FARS2: variants seen among roughly 807,000 people sequenced by gnomAD.
FARS2 encodes the protein phenylalanine--tRNA ligase, mitochondrial.
A neutral mutation model predicts 46.4 loss-of-function variants in FARS2; 40 were observed. The observed-to-expected ratio is 0.86, with a 90% CI of 0.67 to 1.12. FARS2 has a LOEUF of 1.12. Among genes scored for constraint, FARS2 ranks in the 50% most tolerant of loss-of-function variants. The pLI is 0.00. For missense variants in FARS2, 513 were observed against 567.9 expected, an observed-to-expected ratio of 0.90 and a Z score of 0.98; for synonymous variants, 234 against 214.9, an observed-to-expected ratio of 1.09 and a Z score of -0.78.
At position 5,369,040 on chromosome 6, in the gene FARS2, C is replaced by T. The variant is rs1758865384; in HGVS notation, c.470C>T (p.Ser157Phe). The change falls in exon 2 of 7, where the codon TCT becomes TTT. Residue 157 changes from serine to phenylalanine, a missense_variant. By Grantham distance (155) the Ser-to-Phe change is radical. Coordinates refer to ENST00000274680, the MANE Select transcript of FARS2 (RefSeq NM_006567.5). ...ACTCACATGCTGAGAGCGCACACGT[C>T]TGCACACCAGTGGGACTTGCTGCAC... ...NRTHMLRAHT[S>F]AHQWDLLHAG... 1 of 1,614,066 alleles carries T rather than the reference C, an allele frequency of 6.2e-7. No homozygotes were observed. Among genetic ancestry groups the T allele is most frequent in the Admixed American group, 1.7e-5 (1 of 60,008 alleles).
chr6:5,323,041 T>G (rs1034324999), intron 1 of FARS2, among the ~76,000 whole-genome samples: 35 of 152,208 alleles, frequency 2.3e-4, no homozygotes, highest in African/African-American at 8.4e-4. Context: ...CATTATTACT[T>G]TTATCAATTT....
intron 6 of FARS2, among the ~76,000 whole-genome samples, chr6:5,691,842 C>T (rs1334514933): frequency 1.3e-5 from 2 of 152,186 alleles, no homozygotes; most frequent in Non-Finnish European, 2.9e-5. Context: ...CCACCCAGTT[C>T]GAGCTTCCTG....
intron 1 of FARS2, among the ~76,000 whole-genome samples, chr6:5,262,739 A>G (rs1765276346): frequency 6.6e-6 from 1 of 152,232 alleles, no homozygotes; most frequent in South Asian, 2.1e-4. Context: ...TTATTAAGAT[A>G]TCTTTAAGTC....
intron 1 of FARS2, among the ~76,000 whole-genome samples, chr6:5,364,217 G>T (rs1016366440): frequency 6.6e-5 from 10 of 152,200 alleles, no homozygotes; most frequent in African/African-American, 1.2e-4. Context: ...TGATGAACAT[G>T]ATCTAGTATA....
chr6:5,631,269 T>C (rs983763820), intron 6 of FARS2, among the ~76,000 whole-genome samples: 5 of 152,166 alleles, frequency 3.3e-5, no homozygotes, highest in African/African-American at 1.2e-4. Flanking sequence ...GGATTCCTAC[T>C]GCAGGAGAAT....
chr6:5,671,927 A>C (rs898099886), intron 6 of FARS2, among the ~76,000 whole-genome samples: 2 of 152,210 alleles, frequency 1.3e-5, no homozygotes, highest in Non-Finnish European at 2.9e-5. Flanking sequence ...CCAGGAGAGG[A>C]AACACAATTC....
Position 5,747,773 on chromosome 6 carries a change from C to T in FARS2, c.1218-23518C>T, listed in dbSNP as rs148587973. 2.2e-3 allele frequency among the ~76,000 whole-genome samples: 328 copies of T among 152,312 alleles called. 3 individuals carry two copies. The highest frequency in any genetic ancestry group is 7.0e-3 in the African/African-American group (289 of 41,570). On this transcript the variant is annotated intron_variant, in intron 6 of 6. Coordinates refer to ENST00000274680, the MANE Select transcript of FARS2 (RefSeq NM_006567.5). Reference sequence around the variant, plus strand: ...GCTGGAAGGACAGAGGTGGCAGTCACCTGACAGCCTTCACTTCATTGCTAA... The same window carrying T: ...GCTGGAAGGACAGAGGTGGCAGTCATCTGACAGCCTTCACTTCATTGCTAA...
chr6:5,377,448 C>T (rs1368311345), intron 2 of FARS2, among the ~76,000 whole-genome samples: 2 of 152,220 alleles, frequency 1.3e-5, no homozygotes, highest in South Asian at 2.1e-4. Context: ...CTGTCGTGTA[C>T]ACACATGTGC....
intron 3 of FARS2, 76 bp downstream of exon 3, chr6:5,404,777 T>G (rs906701150): frequency 1.2e-4 from 129 of 1,033,152 alleles, no homozygotes; most frequent in Admixed American, 3.3e-4. Context: ...TTGGGTTTTT[T>G]TTTTTTTTTT....
At chr6:5,723,419 A>T (rs186899786) in intron 6 of FARS2, among the ~76,000 whole-genome samples, 94 of 152,322 alleles carry the variant, frequency 6.2e-4, no homozygotes, top group African/African-American at 2.2e-3. Context: ...ACCCTTGGAC[A>T]CGCTGCAGAC....
In FARS2 at chr6:5,404,708, G is replaced by A. The variant is rs1276704377; in HGVS notation, c.772+7G>A. On this transcript the variant is annotated splice_region_variant and intron_variant, in intron 3 of 6. Transcript: ENST00000274680. ...GCACATCTTTTTGGAGATGGTAAGT[G>A]CTCAAACACAGGTTGACGATCTCTT... The A allele has an allele frequency of 1.3e-6, 2 of 1,565,678 alleles. No individual in the cohort carries two copies. Among genetic ancestry groups the A allele is most frequent in the Admixed American group, 1.8e-5 (1 of 55,974 alleles).
At chr6:5,508,061 A>G (rs536478208) in intron 4 of FARS2, among the ~76,000 whole-genome samples, 3 of 152,376 alleles carry the variant, frequency 2.0e-5, no homozygotes, top group African/African-American at 7.2e-5. Flanking sequence ...TATGTTTCAC[A>G]ATAAGTTATT....
At chr6:5,588,659 A>C (rs1773752357) in intron 5 of FARS2, among the ~76,000 whole-genome samples, 1 of 152,098 alleles carries the variant, frequency 6.6e-6, no homozygotes, top group Non-Finnish European at 1.5e-5. Flanking sequence ...GGTTCTGCCT[A>C]CTGGGCCTCT....
At chr6:5,366,040 G>A (rs887140037) in intron 1 of FARS2, among the ~76,000 whole-genome samples, 9 of 152,072 alleles carry the variant, frequency 5.9e-5, no homozygotes, top group Non-Finnish European at 1.0e-4. Flanking sequence ...GGCAGGAAGG[G>A]CAGGCACACT....
chr6:5,293,085 T>C (rs1195024825), intron 1 of FARS2, among the ~76,000 whole-genome samples: 2 of 152,218 alleles, frequency 1.3e-5, no homozygotes, highest in Non-Finnish European at 2.9e-5. Flanking sequence ...GGTGACACTG[T>C]TGGAAATAGC....
intron 5 of FARS2, among the ~76,000 whole-genome samples, chr6:5,601,561 G>C (rs568211221): frequency 3.4e-5 from 5 of 149,104 alleles, no homozygotes; most frequent in Admixed American, 6.7e-5. Context: ...AGACGAGAGT[G>C]GGGAGGCCTC....
In FARS2 at chr6:5,311,553, T is replaced by G. The variant is rs1053985398; in HGVS notation, c.-22+49893T>G. 1.3e-5 allele frequency among the ~76,000 whole-genome samples: 2 copies of G among 148,886 alleles called. No homozygotes were observed. The highest frequency in any genetic ancestry group is 5.2e-5 in the African/African-American group (2 of 38,326). On this transcript the variant is annotated intron_variant, in intron 1 of 6. Coordinates refer to ENST00000274680, the MANE Select transcript of FARS2 (RefSeq NM_006567.5). This position sits in a 1 kb window ranked among gnomAD's most constrained non-coding sequence, Gnocchi z 4.1. Reference sequence around the variant, plus strand: ...TACACCTGCACGACCCTAATAAATGTTCCTTAGAAAAAAATTTCCATAAAA... The same window carrying G: ...TACACCTGCACGACCCTAATAAATGGTCCTTAGAAAAAAATTTCCATAAAA...
At chr6:5,661,732 A>G (rs1156307208) in intron 6 of FARS2, among the ~76,000 whole-genome samples, 2 of 152,192 alleles carry the variant, frequency 1.3e-5, no homozygotes, top group African/African-American at 4.8e-5. Context: ...GTGGGTTGAA[A>G]ATGAAGTGGG....
chr6:5,281,384 T>C (rs1232564160), intron 1 of FARS2, among the ~76,000 whole-genome samples: 5 of 152,218 alleles, frequency 3.3e-5, no homozygotes, highest in Non-Finnish European at 7.3e-5. Flanking sequence ...AAAGAACCTG[T>C]AGTTGTTTTG....
Sources: gnomAD v4.1 joint callset for allele counts (sites outside exome capture counted in the v4.1 genomes callset) on GRCh38, gnomAD v4.1.1 for gene constraint, Gnocchi (gnomAD v3.1) non-coding constraint, MANE v1.5 for transcripts, NCBI Gene and HGNC (gene_info 2026-07-23, HGNC 2026-07-21) for gene names.